KNDC1: variants seen among roughly 807,000 people sequenced by gnomAD.
KNDC1 encodes the protein kinase non-catalytic C-lobe domain-containing protein 1.
Under a neutral mutation model 172.8 loss-of-function variants are expected in KNDC1, and 106 were observed. The ratio of observed to expected loss-of-function variants is 0.61; its 90% CI spans 0.52 to 0.72. The LOEUF is 0.72. KNDC1 is among the 30% of genes least tolerant of loss of function. The pLI is 0.00. For missense variants in KNDC1, 2,325 were observed against 2,394.5 expected, an observed-to-expected ratio of 0.97 and a Z score of 0.61; for synonymous variants, 1,083 against 1,062.2, an observed-to-expected ratio of 1.02 and a Z score of -0.38.
intron 9 of KNDC1, among the ~76,000 whole-genome samples, chr10:133,195,187 G>A (rs983060236): frequency 6.6e-6 from 1 of 152,248 alleles, no homozygotes; most frequent in African/African-American, 2.4e-5. Flanking sequence ...CATCAGCAAC[G>A]TGCCGGATGA....
chr10:133,207,952 G>C (rs1222888319), intron 20 of KNDC1, among the ~76,000 whole-genome samples: 1 of 152,174 alleles, frequency 6.6e-6, no homozygotes, highest in East Asian at 1.9e-4. Context: ...GGGCCCCTGG[G>C]CTGCACCCTG....
chr10:133,191,512 C>T (rs890311259), intron 9 of KNDC1, among the ~76,000 whole-genome samples: 2 of 152,108 alleles, frequency 1.3e-5, no homozygotes, highest in African/African-American at 2.4e-5. Flanking sequence ...CCACCCTCGC[C>T]AACATGGTGA....
rs1564882799 is a variant in KNDC1, at chr10:133,184,223, GCACACACACCCA to G, written c.625+235_625+246del. Among the ~76,000 whole-genome samples the G allele has an allele frequency of 9.1e-3, 531 of 58,308 alleles. 4 individuals carry two copies. In the Middle Eastern group the frequency reaches 0.12, roughly 13 times the overall value. The allele number at this position is 58,308 out of a possible 152,430, so 38.3% of individuals were successfully genotyped here. A position where few individuals can be genotyped will look rare whatever the true frequency, so the allele number is the denominator to read the frequency against. On this transcript the variant is annotated intron_variant, in intron 5 of 29. Transcript: ENST00000304613. ...GCACACCCATGCTGCACACACCCAT[GCACACACACCCA>G]TGCGCACACACTGCACACACACGTT...
chr10:133,167,604 C>T lies in KNDC1; in HGVS notation c.301+25C>T, dbSNP rs776096164. On this transcript the variant is annotated intron_variant, in intron 2 of 29. Coordinates refer to ENST00000304613, the MANE Select transcript of KNDC1 (RefSeq NM_152643.8). ...GGTGAGGCGGCGGTGGCGGTGGCGG[C>T]GGCGGCGGGCACGCGGGGTGGAGGT... The T allele has an allele frequency of 7.1e-5, 111 of 1,554,680 alleles. No homozygotes were observed. The South Asian group carries it at 8.4e-4, about 12-fold the overall frequency.
chr10:133,201,835 C>G lies in KNDC1; in HGVS notation c.3324C>G (p.His1108Gln). 1 of 1,489,110 alleles carries G rather than the reference C, an allele frequency of 6.7e-7. No homozygotes were observed. The highest frequency in any genetic ancestry group is 8.9e-7 in the Non-Finnish European group (1 of 1,121,420). 92.2% of individuals were successfully genotyped at this position (1,489,110 alleles called of 1,614,324 possible). A position where few individuals can be genotyped will look rare whatever the true frequency, so the allele number is the denominator to read the frequency against. ...CCGACTGCTTCGGGGCCGACGTCCA[C>G]AACTACGTGAAGGACCTGGGGCGGC... is the stretch of plus-strand genomic sequence containing the variant. The part of the protein sequence containing the change: ...YEADCFGADV[H>Q]NYVKDLGRQQ... The change falls in exon 17 of 30, where the codon CAC becomes CAG. Residue 1108 changes from histidine to glutamine, a missense_variant. His to Gln is a conservative substitution (Grantham distance 24, BLOSUM62 0). Coordinates refer to ENST00000304613, the MANE Select transcript of KNDC1 (RefSeq NM_152643.8).
At position 133,191,492 on chromosome 10, in the gene KNDC1, G is replaced by A. The variant is rs141240036; in HGVS notation, c.1575+1679G>A. On this transcript the variant is annotated intron_variant, in intron 9 of 29. Transcript: ENST00000304613. Reference sequence around the variant, plus strand: ...AGGCAGGTCGATCACCTGACGTTAGGAGTTTGAGACCACCCTCGCCAACAT... The same window carrying A: ...AGGCAGGTCGATCACCTGACGTTAGAAGTTTGAGACCACCCTCGCCAACAT... Among the ~76,000 whole-genome samples the A allele has an allele frequency of 2.0e-4, 31 of 152,286 alleles. No individual in the cohort carries two copies. The East Asian group carries it at 6.0e-3, about 29-fold the overall frequency.
Position 133,163,777 on chromosome 10 carries a change from G to C in KNDC1, c.102+3208G>C, listed in dbSNP as rs918877135. ...TAATGGGGACCTGCCATGAGATAAG[G>C]GTCCTCGGTGGGAAGCGTGCCCTGC... On this transcript the variant is annotated intron_variant, in intron 1 of 29. Transcript: ENST00000304613. This position sits in a 1 kb window ranked among gnomAD's most constrained non-coding sequence, Gnocchi z 4.4. Among the ~76,000 whole-genome samples, 19 of 152,186 alleles carry C rather than the reference G, an allele frequency of 1.2e-4. No individual in the cohort carries two copies. The highest frequency in any genetic ancestry group is 2.5e-4 in the Non-Finnish European group (17 of 68,016).
At chr10:133,202,239 AG>A (rs1406010367) in intron 17 of KNDC1, 1 of 599,894 alleles carries the variant, frequency 1.7e-6, no homozygotes, top group African/African-American at 1.8e-5. Context: ...TCCGTGGGGC[AG>A]GCACAGCCTC....
chr10:133,168,880 C>T (rs1408841891), intron 3 of KNDC1, among the ~76,000 whole-genome samples: 1 of 152,194 alleles, frequency 6.6e-6, no homozygotes, highest in Non-Finnish European at 1.5e-5. Flanking sequence ...CCTTGGGGAC[C>T]CTTTGCGTGG....
intron 3 of KNDC1, among the ~76,000 whole-genome samples, chr10:133,182,025 G>C (rs934281168): frequency 2.0e-5 from 3 of 152,202 alleles, no homozygotes; most frequent in Middle Eastern, 3.2e-3. Context: ...TGAGCTTGGT[G>C]ATAGTGGTTG....
chr10:133,181,593 G>A (rs1853717660), intron 3 of KNDC1, among the ~76,000 whole-genome samples: 1 of 152,226 alleles, frequency 6.6e-6, no homozygotes, highest in Non-Finnish European at 1.5e-5. Context: ...GGTGCAGGAG[G>A]GAGAGGGTAG....
In KNDC1 at chr10:133,201,908, A is replaced by C; in HGVS notation, c.3387+10A>C. ...CGACGCCCAGAGCCCGGTGAGTCCC[A>C]GGCCTTGGCACTGCCGGGTGGGGCA... On this transcript the variant is annotated intron_variant, in intron 17 of 29. Coordinates refer to ENST00000304613, the MANE Select transcript of KNDC1 (RefSeq NM_152643.8). 1.3e-6 allele frequency: 2 copies of C among 1,501,342 alleles called. No individual in the cohort carries two copies. The highest frequency in any genetic ancestry group is 1.8e-6 in the Non-Finnish European group (2 of 1,126,744). 93.0% of individuals were successfully genotyped at this position (1,501,342 alleles called of 1,614,324 possible).
chr10:133,202,141 G>T, intron 17 of KNDC1: 1 of 701,376 alleles, frequency 1.4e-6, no homozygotes, highest in Non-Finnish European at 2.6e-6. Flanking sequence ...CTGAGGACAG[G>T]GAAGGGCTTT....
intron 29 of KNDC1, among the ~76,000 whole-genome samples, chr10:133,222,770 C>T (rs11816337): frequency 3.8e-4 from 3 of 7,982 alleles, no homozygotes; most frequent in East Asian, 2.2e-3. Flanking sequence ...TGTGCGTGTG[C>T]GTGAGAGCCC....
In KNDC1 at chr10:133,191,841, G is replaced by A. The variant is rs899228168; in HGVS notation, c.1575+2028G>A. Among the ~76,000 whole-genome samples the A allele has an allele frequency of 5.3e-5, 8 of 152,050 alleles. No homozygotes were observed. In the South Asian group the frequency reaches 6.2e-4, roughly 12 times the overall value. Reference sequence around the variant, plus strand: ...ACTGCGGCCCCGCCCAGCAAGGGCCGAGCCTGGAGCCTGGACTCATCTTTG... The same window carrying A: ...ACTGCGGCCCCGCCCAGCAAGGGCCAAGCCTGGAGCCTGGACTCATCTTTG... On this transcript the variant is annotated intron_variant, in intron 9 of 29. Transcript: ENST00000304613.
chr10:133,167,420 C>T lies in KNDC1; in HGVS notation c.142C>T (p.Arg48Cys), dbSNP rs1316372186. Residue 48 changes from arginine to cysteine, a missense_variant, in exon 2 of 30, where the codon CGC becomes TGC. Physicochemically the swap from Arg to Cys is radical, Grantham distance 180. Transcript: ENST00000304613. ...GGCTGACATCCTCTCCCTGCGGGAC[C>T]GCGGCCTCAGCGAGCAGGAAGCCTG... is the stretch of plus-strand genomic sequence containing the variant. ...SLADILSLRD[R>C]GLSEQEAWAV... 1.7e-5 allele frequency: 27 copies of T among 1,602,764 alleles called. No individual in the cohort carries two copies. The highest frequency in any genetic ancestry group is 1.6e-4 in the Middle Eastern group (1 of 6,064).
chr10:133,212,720 TC>T lies in KNDC1; in HGVS notation c.4245del (p.Trp1416GlyfsTer49). ...AGTGCCCGGCCTGCCCTGCAGAGCT[TC>T]CCCTGGAGGCTGCCCCGAGGCAACG... ...LSEDGISRKS[F>X]PWRLPRGNGL... On this transcript the variant is annotated frameshift_variant, in exon 24 of 30. Transcript: ENST00000304613. LOFTEE classifies it high-confidence loss of function. The T allele has an allele frequency of 6.2e-7, 1 of 1,612,396 alleles. No homozygotes were observed. Among genetic ancestry groups the T allele is most frequent in the Non-Finnish European group, 8.5e-7 (1 of 1,179,572 alleles).
intron 23 of KNDC1, 132 bp downstream of exon 23, chr10:133,211,990 T>C (rs1845376713): frequency 1.2e-6 from 1 of 817,294 alleles, no homozygotes; most frequent in Non-Finnish European, 1.9e-6. Flanking sequence ...TATACATGCA[T>C]ACACATAGAC....
At chr10:133,189,432 C>T (rs914727123) in intron 7 of KNDC1, among the ~76,000 whole-genome samples, 166 bp from the exon 8 acceptor site, 2 of 152,148 alleles carry the variant, frequency 1.3e-5, no homozygotes, top group African/African-American at 2.4e-5. Flanking sequence ...CCGAGGACCC[C>T]GGGGGCTGGG....
Sources: gnomAD v4.1 joint callset for allele counts (sites outside exome capture counted in the v4.1 genomes callset) on GRCh38, gnomAD v4.1.1 for gene constraint, Gnocchi (gnomAD v3.1) non-coding constraint, MANE v1.5 for transcripts, NCBI Gene and HGNC (gene_info 2026-07-23, HGNC 2026-07-21) for gene names.